The following LRPPRC variants were observed in gnomAD, a reference collection of about 807,000 sequenced individuals.
LRPPRC encodes leucine-rich PPR motif-containing protein, mitochondrial.
Under a neutral mutation model 180.3 loss-of-function variants are expected in LRPPRC, and 120 were observed. The ratio of observed to expected loss-of-function variants is 0.67; its 90% CI spans 0.57 to 0.77. The LOEUF is 0.77. LRPPRC is among the 30% of genes least tolerant of loss of function. The probability of loss-of-function intolerance (pLI) is 0.00; values close to 1 mark genes in which losing one functional copy is unlikely to be tolerated. For missense variants in LRPPRC, 2,012 were observed against 1,657.2 expected, an observed-to-expected ratio of 1.21 and a Z score of -3.72; for synonymous variants, 723 against 600.0, an observed-to-expected ratio of 1.21 and a Z score of -3.00.
intron 1 of LRPPRC, among the ~76,000 whole-genome samples, chr2:43,989,622 C>A (rs1313798535): frequency 1.3e-5 from 2 of 152,126 alleles, no homozygotes; most frequent in African/African-American, 4.8e-5. Context: ...ATAAGTAATC[C>A]CTTCACCATC....
chr2:43,897,777 T>C (rs1055432917), intron 34 of LRPPRC, among the ~76,000 whole-genome samples: 3 of 151,962 alleles, frequency 2.0e-5, no homozygotes, highest in African/African-American at 7.3e-5. Context: ...CGGCTGTCAA[T>C]TGTGCTCTTC....
intron 14 of LRPPRC, among the ~76,000 whole-genome samples, chr2:43,955,474 G>GAAAAAAAA (rs200193004): frequency 8.7e-6 from 1 of 115,272 alleles, no homozygotes; most frequent in Non-Finnish European, 1.8e-5. Context: ...GTCTCAAAAA[G>GAAAAAAAA]AAAAAAAAAA....
chr2:43,940,347 T>G (rs954659249), intron 23 of LRPPRC, among the ~76,000 whole-genome samples: 1 of 152,160 alleles, frequency 6.6e-6, no homozygotes, highest in Non-Finnish European at 1.5e-5. Context: ...AACAGAATCA[T>G]CAACATTTTA....
chr2:43,910,395 C>T (rs981687722), intron 30 of LRPPRC, among the ~76,000 whole-genome samples: 3 of 152,006 alleles, frequency 2.0e-5, no homozygotes, highest in Non-Finnish European at 2.9e-5. Context: ...CCACCACACA[C>T]GGCTAATTTT....
Position 43,975,207 on chromosome 2 carries a change from T to C in LRPPRC, c.748A>G (p.Asn250Asp). The C allele has an allele frequency of 6.2e-7, 1 of 1,613,086 alleles. No individual in the cohort carries two copies. Among genetic ancestry groups the C allele is most frequent in the Non-Finnish European group, 8.5e-7 (1 of 1,179,780 alleles). The change falls in exon 7 of 38, where the codon AAT becomes GAT. Residue 250 changes from asparagine to aspartate, a missense_variant. Transcript: ENST00000260665. ...ATCACTGTGAGAATGTTTTCTGCAT[T>C]CTCCATATCACTACAAGTTAATTCA... is the stretch of plus-strand genomic sequence containing the variant. ...TGHARAGDMENAENILTVMRD... is the reference protein window; with the variant it reads ...TGHARAGDMEDAENILTVMRD...
At chr2:43,949,853 A>G (rs753589078) in intron 15 of LRPPRC, among the ~76,000 whole-genome samples, 194 bp from the exon 16 acceptor site, 37 of 152,222 alleles carry the variant, frequency 2.4e-4, no homozygotes, top group Non-Finnish European at 5.0e-4. Context: ...TTTAAAAACA[A>G]AAACAAATCC....
chr2:43,987,255 G>A (rs1005570896), intron 1 of LRPPRC, among the ~76,000 whole-genome samples: 11 of 152,034 alleles, frequency 7.2e-5, no homozygotes, highest in Non-Finnish European at 1.2e-4. Flanking sequence ...AGCACTTAGG[G>A]GAGGCCGAGG....
In LRPPRC at chr2:43,918,143, A is replaced by T; in HGVS notation, c.3040-10T>A. 1 of 1,610,052 alleles carries T rather than the reference A, an allele frequency of 6.2e-7. No homozygotes were observed. Among genetic ancestry groups the T allele is most frequent in the Non-Finnish European group, 8.5e-7 (1 of 1,176,350 alleles). Reference sequence around the variant, plus strand: ...CATCTTCATACCACAACTTTAAAACAAAGTTATTCTGTTAAATAAAAACTG... The same window carrying T: ...CATCTTCATACCACAACTTTAAAACTAAGTTATTCTGTTAAATAAAAACTG... On this transcript the variant is annotated splice_polypyrimidine_tract_variant and intron_variant, in intron 28 of 37. Coordinates refer to ENST00000260665, the MANE Select transcript of LRPPRC (RefSeq NM_133259.4).
chr2:43,916,405 T>C (rs1424106444), intron 29 of LRPPRC, among the ~76,000 whole-genome samples: 2 of 152,086 alleles, frequency 1.3e-5, no homozygotes, highest in Non-Finnish European at 2.9e-5. Flanking sequence ...GTAGGCATAA[T>C]AAAGGTGAAG....
chr2:43,982,428 T>G lies in LRPPRC; in HGVS notation c.156A>C (p.Leu52=). The change falls in exon 2 of 38, where the codon CTA becomes CTC. Residue 52 remains leucine (L), a synonymous_variant. Transcript: ENST00000260665. Reference sequence around the variant, plus strand: ...TGGCATACAGCCTGGCTGGGCTCAGTAGTCCTCTAAAAAATGAAACATAAT... The same window carrying G: ...TGGCATACAGCCTGGCTGGGCTCAGGAGTCCTCTAAAAAATGAAACATAAT... The part of the protein sequence containing the change: ...AARAGPVAGG[L]LSPARLYAIA... The G allele has an allele frequency of 6.2e-7, 1 of 1,611,492 alleles. No homozygotes were observed. The highest frequency in any genetic ancestry group is 1.1e-5 in the South Asian group (1 of 90,960).
chr2:43,921,527 C>T (rs1364425771), intron 27 of LRPPRC, among the ~76,000 whole-genome samples: 1 of 151,916 alleles, frequency 6.6e-6, no homozygotes, highest in Non-Finnish European at 1.5e-5. Context: ...ACAATCAAAA[C>T]AGGATATAAA....
chr2:43,975,268 T>A, intron 6 of LRPPRC, 51 bp from the exon 7 acceptor site: 1 of 1,524,922 alleles, frequency 6.6e-7, no homozygotes, highest in Non-Finnish European at 9.0e-7. Context: ...AAATTTAATA[T>A]AGTTATTCAA....
chr2:43,893,598 CTT>C (rs1670574682), intron 36 of LRPPRC, among the ~76,000 whole-genome samples: 1 of 152,180 alleles, frequency 6.6e-6, no homozygotes, highest in Non-Finnish European at 1.5e-5. Flanking sequence ...CTATTGCACA[CTT>C]AATACACTAC....
chr2:43,899,222 T>G lies in LRPPRC; in HGVS notation c.3822A>C (p.Leu1274=), dbSNP rs767486186. ...AGKVDDARAL[L]QRCGAIAEQT... The stretch of plus-strand genomic sequence containing the variant: ...TCCATGAGTGGAGGGTCATTACCTG[T>G]AGGAGAGCTCTGGCATCATCCACCT... Residue 1274 remains leucine, a synonymous_variant, in exon 34 of 38, where the codon CTA becomes CTC. Transcript: ENST00000260665. 6.2e-7 allele frequency: 1 copy of G among 1,611,224 alleles called. No homozygotes were observed.
intron 12 of LRPPRC, among the ~76,000 whole-genome samples, chr2:43,962,197 C>T (rs761727333): frequency 1.3e-5 from 2 of 152,136 alleles, no homozygotes; most frequent in Non-Finnish European, 2.9e-5. Context: ...AGACACTGAT[C>T]TGGGGGCTGT....
chr2:43,915,232 T>TCTCTCTCACACA (rs1174216406), intron 29 of LRPPRC, among the ~76,000 whole-genome samples: 1 of 51,886 alleles, frequency 1.9e-5, no homozygotes, highest in Non-Finnish European at 3.5e-5. Flanking sequence ...TCTCTCTCTC[T>TCTCTCTCACACA]CACACACACA....
At chr2:43,985,791 ATT>A (rs1341347112) in intron 1 of LRPPRC, among the ~76,000 whole-genome samples, 1 of 152,216 alleles carries the variant, frequency 6.6e-6, no homozygotes, top group Non-Finnish European at 1.5e-5. Flanking sequence ...TGCTATAAGC[ATT>A]TGTGTGAAGG....
chr2:43,918,231 T>C (rs1325229899), intron 28 of LRPPRC, 25 bp downstream of exon 28: 5 of 1,611,592 alleles, frequency 3.1e-6, no homozygotes, highest in Non-Finnish European at 4.2e-6. Context: ...ACAAAATCTG[T>C]TACGATTATG....
rs780032604 is a variant in LRPPRC, at chr2:43,889,314, CAAAAAAAAA to C, written c.4128+411_4128+419del. ...TGGGCAACACAGCGAGACTCCATCTCAAAAAAAAAAAAAAAAAAAAAAAAAGGCAAAATT... is the reference window on the plus strand; with the variant it reads ...TGGGCAACACAGCGAGACTCCATCTCAAAAAAAAAAAAAAAAGGCAAAATT... On this transcript the variant is annotated intron_variant, in intron 37 of 37. Coordinates refer to ENST00000260665, the MANE Select transcript of LRPPRC (RefSeq NM_133259.4). Among the ~76,000 whole-genome samples, 74 of 38,340 alleles carry C rather than the reference CAAAAAAAAA, an allele frequency of 1.9e-3. 1 individual carries two copies. Among genetic ancestry groups the C allele is most frequent in the South Asian group, 4.0e-3 (3 of 748 alleles). The allele number at this position is 38,340 out of a possible 152,430, so 25.2% of individuals were successfully genotyped here.
Sources: gnomAD v4.1 joint callset for allele counts (sites outside exome capture counted in the v4.1 genomes callset) on GRCh38, gnomAD v4.1.1 for gene constraint, MANE v1.5 for transcripts, NCBI Gene and HGNC (gene_info 2026-07-23, HGNC 2026-07-21) for gene names.